PHIP: variants seen among roughly 807,000 people sequenced by gnomAD.
The protein encoded by PHIP is PH-interacting protein.
Under a neutral mutation model 236.8 loss-of-function variants are expected in PHIP, and 54 were observed. The observed-to-expected ratio is 0.23, with a 90% CI of 0.18 to 0.29. PHIP has a LOEUF of 0.29. Among genes scored for constraint, PHIP ranks in the 10% least tolerant of loss-of-function variants. PHIP has a pLI of 1.00. For missense variants in PHIP, 1,370 were observed against 2,190.8 expected (o/e 0.63, Z 7.48); for synonymous variants, 756 against 718.9 (o/e 1.05, Z -0.83).
intron 30 of PHIP, 49 bp from the exon 31 acceptor site, chr6:78,961,859 A>C (rs948936434): frequency 3.5e-6 from 5 of 1,427,624 alleles, no homozygotes; most frequent in Admixed American, 4.2e-5. Flanking sequence ...TGCCTAAAAT[A>C]ATTCAAGAAG....
intron 4 of PHIP, among the ~76,000 whole-genome samples, chr6:79,065,426 G>A (rs965789632): frequency 6.6e-6 from 1 of 151,900 alleles, no homozygotes. Context: ...CACTTTTCAC[G>A]TTTCAAACAC....
At chr6:78,941,868 AT>A (rs1314211720) in intron 39 of PHIP, among the ~76,000 whole-genome samples, 1 of 152,198 alleles carries the variant, frequency 6.6e-6, no homozygotes, top group Non-Finnish European at 1.5e-5. Context: ...AAACTCCATG[AT>A]AAAAGGCCAT....
chr6:79,001,618 T>G (rs1440627280), intron 17 of PHIP, among the ~76,000 whole-genome samples: 4 of 152,076 alleles, frequency 2.6e-5, no homozygotes, highest in African/African-American at 9.7e-5. Context: ...TGTTGCTGAG[T>G]AAGTAAATTA....
At chr6:78,954,733 A>T in intron 35 of PHIP, 81 bp downstream of exon 35, 1 of 831,404 alleles carries the variant, frequency 1.2e-6, no homozygotes, top group Non-Finnish European at 1.8e-6. Flanking sequence ...TAATCATAAA[A>T]AGTAACTAAA....
chr6:79,061,058 C>T lies in PHIP; in HGVS notation c.190-240G>A, dbSNP rs192410427. On this transcript the variant is annotated intron_variant, in intron 4 of 39. Transcript: ENST00000275034. Reference sequence around the variant, plus strand: ...ACCAAAAACCTTACAGAGAGAAAGGCAAAATTCCAACTGCTGCTTTAAATA... The same window carrying T: ...ACCAAAAACCTTACAGAGAGAAAGGTAAAATTCCAACTGCTGCTTTAAATA... 2.1e-3 allele frequency among the ~76,000 whole-genome samples: 313 copies of T among 152,230 alleles called. 1 individual carries two copies. Among genetic ancestry groups the T allele is most frequent in the African/African-American group, 6.8e-3 (284 of 41,542 alleles).
intron 27 of PHIP, among the ~76,000 whole-genome samples, chr6:78,969,275 T>C (rs2127704416): frequency 6.6e-6 from 1 of 152,298 alleles, no homozygotes; most frequent in East Asian, 1.9e-4. Context: ...TTTCAAACCA[T>C]ACATACCGTG....
rs1259866890 is a variant in PHIP at position 79,019,023 on chromosome 6, C to G, written c.994+66G>C. 2.9e-6 allele frequency: 3 copies of G among 1,050,064 alleles called. No individual in the cohort carries two copies. In the East Asian group the frequency reaches 7.1e-5, roughly 25 times the overall value. The allele number at this position is 1,050,064 out of a possible 1,614,324, so 65.0% of individuals were successfully genotyped here. A position where few individuals can be genotyped will look rare whatever the true frequency, so the allele number is the denominator to read the frequency against. On this transcript the variant is annotated intron_variant, in intron 10 of 39. Transcript: ENST00000275034. ...ACAGTAAATATTTTCCTAAATATTACACACTCCACTATAAGGCTTCTAAAT... is the reference window on the plus strand; with the variant it reads ...ACAGTAAATATTTTCCTAAATATTAGACACTCCACTATAAGGCTTCTAAAT...
At chr6:79,047,149 A>G (rs760166568) in intron 6 of PHIP, among the ~76,000 whole-genome samples, 9 of 152,182 alleles carry the variant, frequency 5.9e-5, no homozygotes, top group Non-Finnish European at 1.2e-4. Flanking sequence ...TTTGCAGCAA[A>G]TCATTCAGAA....
Position 78,959,419 on chromosome 6 carries a change from C to T in PHIP, c.3657-819G>A, listed in dbSNP as rs532469279. On this transcript the variant is annotated intron_variant, in intron 31 of 39. Coordinates refer to ENST00000275034, the MANE Select transcript of PHIP (RefSeq NM_017934.7). ...CTGATAACAGAATCACAGATATCTT[C>T]AGTGTATCATATAGAAAACTGTGTG... is the stretch of plus-strand genomic sequence containing the variant. 2.6e-5 allele frequency among the ~76,000 whole-genome samples: 4 copies of T among 152,190 alleles called. No homozygotes were observed. The South Asian group carries it at 8.3e-4, about 32-fold the overall frequency.
rs72904869 is a variant in PHIP at position 79,054,595 on chromosome 6, C to T, written c.439+5883G>A. Among the ~76,000 whole-genome samples the T allele has an allele frequency of 9.7e-3, 1,459 of 150,976 alleles. 18 individuals carry two copies. Among genetic ancestry groups the T allele is most frequent in the Non-Finnish European group, 0.017 (1,158 of 67,594 alleles). On this transcript the variant is annotated intron_variant, in intron 6 of 39. Coordinates refer to ENST00000275034, the MANE Select transcript of PHIP (RefSeq NM_017934.7). The stretch of plus-strand genomic sequence containing the variant: ...GGAAAAAAACCCCATATATTATATC[C>T]TATAATTTGCTGAATTATATGTAAC...
At chr6:78,969,576 T>C (rs868399433) in intron 27 of PHIP, among the ~76,000 whole-genome samples, 2 of 152,172 alleles carry the variant, frequency 1.3e-5, no homozygotes, top group African/African-American at 4.8e-5. Flanking sequence ...TATACAAAAA[T>C]TTAACTTAAC....
rs1773197938 is a variant in PHIP, at chr6:78,934,698, A to G, written c.*5995T>C. On this transcript the variant is annotated 3_prime_UTR_variant, in exon 40 of 40. Transcript: ENST00000275034. Reference sequence around the variant, plus strand: ...ACAAATGAGATTATCACCACTGGCTATTTGAACAGAATTAGACCTCACAGA... The same window carrying G: ...ACAAATGAGATTATCACCACTGGCTGTTTGAACAGAATTAGACCTCACAGA... Among the ~76,000 whole-genome samples the G allele has an allele frequency of 6.6e-6, 1 of 152,204 alleles. No homozygotes were observed. The highest frequency in any genetic ancestry group is 2.4e-5 in the African/African-American group (1 of 41,458).
intron 17 of PHIP, 100 bp from the exon 18 acceptor site, chr6:78,998,491 T>G: frequency 1.2e-6 from 1 of 867,804 alleles, no homozygotes; most frequent in Non-Finnish European, 1.7e-6. Context: ...ACATAAATGT[T>G]GCTTGGGTAA....
intron 7 of PHIP, among the ~76,000 whole-genome samples, chr6:79,034,865 C>A (rs138505553): frequency 1.3e-5 from 2 of 152,152 alleles, no homozygotes; most frequent in Admixed American, 1.3e-4. Flanking sequence ...AAGAAATCAA[C>A]GACTAACATT....
chr6:79,017,977 G>T (rs776123321), intron 10 of PHIP, among the ~76,000 whole-genome samples: 1 of 151,800 alleles, frequency 6.6e-6, no homozygotes, highest in Non-Finnish European at 1.5e-5. Context: ...AACTCCCTCA[G>T]TAACTTTTCT....
chr6:78,973,964 CA>C (rs1310442776), intron 24 of PHIP, among the ~76,000 whole-genome samples: 3 of 151,996 alleles, frequency 2.0e-5, no homozygotes, highest in East Asian at 1.9e-4. Flanking sequence ...TTAGACAGAT[CA>C]ACGAGACAGA....
intron 27 of PHIP, among the ~76,000 whole-genome samples, chr6:78,968,789 C>A: frequency 6.6e-6 from 1 of 152,082 alleles, no homozygotes. Flanking sequence ...ACAATTAAAT[C>A]TTCCCACAAT....
intron 10 of PHIP, 25 bp from the exon 11 acceptor site, chr6:79,017,608 A>G: frequency 6.6e-7 from 1 of 1,511,564 alleles, no homozygotes. Context: ...AGCAATTGTT[A>G]AGAAGTAAAA....
chr6:79,035,594 C>G (rs945457080), intron 7 of PHIP, among the ~76,000 whole-genome samples: 1 of 152,138 alleles, frequency 6.6e-6, no homozygotes, highest in Non-Finnish European at 1.5e-5. Context: ...CTGGCAGAGT[C>G]AACAAGGAGA....
Sources: allele counts gnomAD v4.1 joint callset (sites outside exome capture counted in the v4.1 genomes callset), GRCh38; gene constraint gnomAD v4.1.1; transcripts MANE v1.5; gene names NCBI Gene and HGNC (gene_info 2026-07-23, HGNC 2026-07-21).